SLC25A13: variants seen among roughly 807,000 people sequenced by gnomAD.
SLC25A13 encodes electrogenic aspartate/glutamate antiporter SLC25A13, mitochondrial.
In SLC25A13, 70 loss-of-function variants were observed where a neutral mutation model predicts 85.5. That is an observed-to-expected ratio of 0.82 (90% CI 0.68 to 1.00). The LOEUF is 1.00. SLC25A13 is among the 50% of genes least tolerant of loss of function. The probability of loss-of-function intolerance (pLI) is 0.00; values close to 1 mark genes in which losing one functional copy is unlikely to be tolerated. For missense variants in SLC25A13, 765 were observed against 819.8 expected, an observed-to-expected ratio of 0.93 and a Z score of 0.82; for synonymous variants, 259 against 288.7, an observed-to-expected ratio of 0.90 and a Z score of 1.04.
At chr7:96,275,886 T>TA (rs1014984883) in intron 3 of SLC25A13, among the ~76,000 whole-genome samples, 16 of 152,042 alleles carry the variant, frequency 1.1e-4, no homozygotes, top group Admixed American at 6.6e-4. Context: ...TAAAGTATAA[T>TA]AAAAAAATTG....
At chr7:96,293,360 C>T (rs1265391831) in intron 2 of SLC25A13, among the ~76,000 whole-genome samples, 5 of 152,158 alleles carry the variant, frequency 3.3e-5, no homozygotes, top group Non-Finnish European at 7.3e-5. Context: ...ATTCAGGACA[C>T]AGGCATGGGC....
At chr7:96,181,326 C>T (rs1191502930) in intron 11 of SLC25A13, among the ~76,000 whole-genome samples, 2 of 152,198 alleles carry the variant, frequency 1.3e-5, no homozygotes, top group South Asian at 2.1e-4. Context: ...TATTGAAGAG[C>T]ACTGCTAGGC....
chr7:96,241,654 T>C (rs1332011448), intron 3 of SLC25A13, among the ~76,000 whole-genome samples: 1 of 152,150 alleles, frequency 6.6e-6, no homozygotes, highest in Non-Finnish European at 1.5e-5. Context: ...AATTTAAGAT[T>C]TTTTTCTGCT....
chr7:96,317,598 A>G (rs1352908099), intron 1 of SLC25A13, among the ~76,000 whole-genome samples: 1 of 151,770 alleles, frequency 6.6e-6, no homozygotes, highest in Non-Finnish European at 1.5e-5. Flanking sequence ...TCCTTCTGAA[A>G]TACTAGCAAT....
intron 4 of SLC25A13, among the ~76,000 whole-genome samples, chr7:96,211,056 C>A (rs1795674347): frequency 6.6e-6 from 1 of 152,000 alleles, no homozygotes; most frequent in Non-Finnish European, 1.5e-5. Context: ...ACTTATTATC[C>A]ATTTTTATAT....
intron 1 of SLC25A13, among the ~76,000 whole-genome samples, chr7:96,312,816 C>T (rs1159566013): frequency 6.6e-6 from 1 of 152,070 alleles, no homozygotes; most frequent in African/African-American, 2.4e-5. Flanking sequence ...TCAGTGGGAG[C>T]TACAGCAATG....
At chr7:96,184,498 T>C (rs541806705) in intron 10 of SLC25A13, 63 bp from the exon 11 acceptor site, 23 of 1,512,056 alleles carry the variant, frequency 1.5e-5, no homozygotes, top group Non-Finnish European at 1.9e-5. Context: ...AAGAAGAAGG[T>C]AGTTAAAGTC....
intron 11 of SLC25A13, among the ~76,000 whole-genome samples, chr7:96,174,709 A>G (rs763232382): frequency 7.2e-5 from 11 of 152,298 alleles, no homozygotes; most frequent in Middle Eastern, 6.8e-3. Flanking sequence ...GTCTTTTTAA[A>G]TGACTAATAA....
chr7:96,215,802 A>C (rs1795876855), intron 4 of SLC25A13, among the ~76,000 whole-genome samples: 1 of 152,196 alleles, frequency 6.6e-6, no homozygotes, highest in Admixed American at 6.5e-5. Flanking sequence ...CAACAGAAAA[A>C]AAAATAAATT....
intron 1 of SLC25A13, among the ~76,000 whole-genome samples, chr7:96,309,839 C>G (rs1405891351): frequency 6.6e-6 from 1 of 152,190 alleles, no homozygotes; most frequent in Non-Finnish European, 1.5e-5. Flanking sequence ...GTTGAAGTTC[C>G]AATCCCAGCC....
At chr7:96,189,819 TAAGA>T in intron 7 of SLC25A13, 145 bp from the exon 8 acceptor site, 1 of 771,056 alleles carries the variant, frequency 1.3e-6, no homozygotes. Flanking sequence ...CCAAATAAGG[TAAGA>T]ATTTTTGCAG....
At chr7:96,250,353 A>C (rs1461427610) in intron 3 of SLC25A13, among the ~76,000 whole-genome samples, 2 of 152,188 alleles carry the variant, frequency 1.3e-5, no homozygotes, top group African/African-American at 4.8e-5. Context: ...TTATATTCTA[A>C]ATAACTTGAA....
chr7:96,294,785 C>G (rs1265066639), intron 2 of SLC25A13, among the ~76,000 whole-genome samples: 1 of 152,158 alleles, frequency 6.6e-6, no homozygotes, highest in Non-Finnish European at 1.5e-5. Flanking sequence ...TCAAGCCATC[C>G]TCCTGCCTCA....
chr7:96,309,847 G>C (rs938485997), intron 1 of SLC25A13, among the ~76,000 whole-genome samples: 1 of 152,176 alleles, frequency 6.6e-6, no homozygotes, highest in Non-Finnish European at 1.5e-5. Flanking sequence ...TCCAATCCCA[G>C]CCCCTCGGAA....
At chr7:96,258,098 G>T (rs908639856) in intron 3 of SLC25A13, among the ~76,000 whole-genome samples, 2 of 151,902 alleles carry the variant, frequency 1.3e-5, no homozygotes, top group African/African-American at 2.4e-5. Flanking sequence ...TACGACAAAC[G>T]GACAGCCAAT....
At chr7:96,317,024 C>A (rs1310845412) in intron 1 of SLC25A13, among the ~76,000 whole-genome samples, 1 of 152,114 alleles carries the variant, frequency 6.6e-6, no homozygotes, top group African/African-American at 2.4e-5. Context: ...GGCTGGAGTG[C>A]AATGGCACGA....
chr7:96,221,391 A>T (rs182902520), intron 4 of SLC25A13, among the ~76,000 whole-genome samples: 285 of 152,302 alleles, frequency 1.9e-3, no homozygotes, highest in Non-Finnish European at 3.3e-3. Flanking sequence ...ATAAAATCAA[A>T]TCTACTGCAG....
intron 4 of SLC25A13, among the ~76,000 whole-genome samples, chr7:96,210,314 T>C (rs1241674833): frequency 1.3e-5 from 2 of 152,210 alleles, no homozygotes; most frequent in Non-Finnish European, 2.9e-5. Flanking sequence ...CTGTCTTCTT[T>C]ACTTTTAGGG....
intron 5 of SLC25A13, among the ~76,000 whole-genome samples, chr7:96,200,951 A>G (rs1357063993): frequency 6.6e-6 from 1 of 152,178 alleles, no homozygotes; most frequent in Non-Finnish European, 1.5e-5. Flanking sequence ...CTTACTGTCC[A>G]AGTGATCACA....
Sources: gnomAD v4.1 joint callset for allele counts (sites outside exome capture counted in the v4.1 genomes callset) on GRCh38, gnomAD v4.1.1 for gene constraint, MANE v1.5 for transcripts, NCBI Gene and HGNC (gene_info 2026-07-23, HGNC 2026-07-21) for gene names.